PRR12: variants seen among roughly 807,000 people sequenced by gnomAD.
The protein encoded by PRR12 is proline rich 12, also known as proline-rich protein 12.
A neutral mutation model predicts 138.0 loss-of-function variants in PRR12; 12 were observed. That is an observed-to-expected ratio of 0.09 (90% confidence interval 0.06 to 0.14). PRR12 has a LOEUF of 0.14. PRR12 is among the 10% of genes least tolerant of loss of function. The probability of loss-of-function intolerance (pLI) is 1.00; values close to 1 mark genes in which losing one functional copy is unlikely to be tolerated. For synonymous variants in PRR12, 1,567 were observed against 1,291.7 expected, an observed-to-expected ratio of 1.21 and a Z score of -4.57; for missense variants, 2,692 against 2,861.3, an observed-to-expected ratio of 0.94 and a Z score of 1.35.
At position 49,607,657 on chromosome 19, in the gene PRR12, G is replaced by A. The variant is rs555684079; in HGVS notation, c.4773+5739G>A. On this transcript the variant is annotated intron_variant, in intron 6 of 13. Transcript: ENST00000418929. Reference sequence around the variant, plus strand: ...TGGGAGGTGGAGGTTGCAGTGAGCCGAGATCGTAGCACTGCACTCCAATCT... The same window carrying A: ...TGGGAGGTGGAGGTTGCAGTGAGCCAAGATCGTAGCACTGCACTCCAATCT... Among the ~76,000 whole-genome samples, 211 of 151,088 alleles carry A rather than the reference G, an allele frequency of 1.4e-3. 1 individual carries two copies. The highest frequency in any genetic ancestry group is 4.9e-3 in the African/African-American group (202 of 41,018).
At chr19:49,615,076 C>T (rs552519604) in intron 8 of PRR12, 67 bp downstream of exon 8, 1 of 1,593,078 alleles carries the variant, frequency 6.3e-7, no homozygotes, top group South Asian at 1.1e-5. Flanking sequence ...ATGCGGCATG[C>T]AAGAGAGAAG....
rs1250390265 is a variant in PRR12 at position 49,595,878 on chromosome 19, C to T, written c.1543C>T (p.Pro515Ser). 1.9e-6 allele frequency: 3 copies of T among 1,603,386 alleles called. No individual in the cohort carries two copies. Among genetic ancestry groups the T allele is most frequent in the East Asian group, 4.5e-5 (2 of 44,844 alleles). The change falls in exon 4 of 14, where the codon CCA becomes TCA. Residue 515 changes from proline to serine, a missense_variant. Physicochemically the swap from Pro to Ser is moderately conservative, Grantham distance 74 (BLOSUM62 -1). Coordinates refer to ENST00000418929, the MANE Select transcript of PRR12 (RefSeq NM_020719.3). Reference sequence around the variant, plus strand: ...GTATGGGGTGCAGGGCGAGCCATACCCAGGGCCAGCCGCCCACTCCCAGGG... The same window carrying T: ...GTATGGGGTGCAGGGCGAGCCATACTCAGGGCCAGCCGCCCACTCCCAGGG... ...QLYGVQGEPY[P>S]GPAAHSQGLP...
At chr19:49,602,647 G>A (rs534995404) in intron 6 of PRR12, among the ~76,000 whole-genome samples, 53 of 152,292 alleles carry the variant, frequency 3.5e-4, no homozygotes, top group African/African-American at 1.3e-3. Context: ...TGCCTCCCAG[G>A]TTCAAGCGAT....
Position 49,615,868 on chromosome 19 carries a change from G to A in PRR12, c.5146G>A (p.Glu1716Lys). Reference sequence around the variant, plus strand: ...AAAGACGACATCTGAGAAGCCCCCAGAGCAGACTCCTGAGACGGCCATGCC... The same window carrying A: ...AAAGACGACATCTGAGAAGCCCCCAAAGCAGACTCCTGAGACGGCCATGCC... ...PEKTTSEKPP[E>K]QTPETAMPEP... Residue 1716 changes from glutamate (E) to lysine (K), a missense_variant, in exon 9 of 14, where the codon GAG becomes AAG. By Grantham distance (56) the Glu-to-Lys change is moderately conservative (BLOSUM62 1). Around this residue, in one of 11 missense-constraint regions of PRR12, gnomAD observed 259 missense variants for 265.1 expected, o/e 0.98. Transcript: ENST00000418929. 1 of 1,597,684 alleles carries A rather than the reference G, an allele frequency of 6.3e-7. No individual in the cohort carries two copies. Among genetic ancestry groups the A allele is most frequent in the Non-Finnish European group, 8.5e-7 (1 of 1,172,492 alleles).
At chr19:49,605,454 A>T (rs1227571535) in intron 6 of PRR12, among the ~76,000 whole-genome samples, 1 of 146,404 alleles carries the variant, frequency 6.8e-6, no homozygotes, top group East Asian at 2.1e-4. Flanking sequence ...TAGAGATGGG[A>T]TTTCTCCATG....
intron 8 of PRR12, among the ~76,000 whole-genome samples, chr19:49,615,260 CAG>C (rs1235992052): frequency 1.4e-5 from 2 of 141,254 alleles, no homozygotes; most frequent in East Asian, 4.4e-4. Context: ...GATGGGAGAA[CAG>C]AGAACCAGAC....
rs778278363 is a variant in PRR12, at chr19:49,597,608, C to T, written c.3273C>T (p.Pro1091=). ...LRRRDPPFQT[P]KKLYAQEYEF... Reference sequence around the variant, plus strand: ...GCCGCGACCCACCCTTCCAGACCCCCAAGAAGCTGTACGCCCAGGAGTACG... The same window carrying T: ...GCCGCGACCCACCCTTCCAGACCCCTAAGAAGCTGTACGCCCAGGAGTACG... Residue 1091 remains proline (P), a synonymous_variant, in exon 4 of 14, where the codon CCC becomes CCT. Transcript: ENST00000418929. The surrounding 1 kb of genome is among the most constrained non-coding windows in gnomAD (Gnocchi z 6.3). 2 of 1,609,906 alleles carry T rather than the reference C, an allele frequency of 1.2e-6. No homozygotes were observed. Among genetic ancestry groups the T allele is most frequent in the Non-Finnish European group, 1.7e-6 (2 of 1,178,904 alleles).
intron 10 of PRR12, 40 bp downstream of exon 10, chr19:49,620,517 G>T: frequency 6.5e-7 from 1 of 1,548,048 alleles, no homozygotes; most frequent in South Asian, 1.2e-5. Context: ...GGGCTGACTC[G>T]GTCTGAGGGA....
chr19:49,611,737 C>T (rs2080867088), intron 6 of PRR12, among the ~76,000 whole-genome samples: 3 of 145,808 alleles, frequency 2.1e-5, no homozygotes, highest in Non-Finnish European at 4.5e-5. Flanking sequence ...TCCTGGCTAA[C>T]GCGGTGAAAC....
intron 1 of PRR12, 77 bp from the exon 2 acceptor site, chr19:49,593,250 T>G: frequency 7.1e-6 from 3 of 422,218 alleles, no homozygotes; most frequent in East Asian, 4.8e-5. Context: ...TCCCCCCAAC[T>G]CCCCGGGGGG....
chr19:49,593,250 T>TCCC, intron 1 of PRR12, 77 bp from the exon 2 acceptor site: 1 of 422,232 alleles, frequency 2.4e-6, no homozygotes, highest in Non-Finnish European at 3.9e-6. Context: ...TCCCCCCAAC[T>TCCC]CCCCGGGGGG....
At position 49,621,396 on chromosome 19, in the gene PRR12, G is replaced by A. The variant is rs532599632; in HGVS notation, c.5624-129G>A. On this transcript the variant is annotated intron_variant, in intron 10 of 13. Coordinates refer to ENST00000418929, the MANE Select transcript of PRR12 (RefSeq NM_020719.3). ...CTGGACTCCTGGGTCCGAAGGAGGA[G>A]GGGGCTGGGGCCTGTACTTTTGTCT... is the stretch of plus-strand genomic sequence containing the variant. The A allele has an allele frequency of 3.1e-4, 221 of 711,186 alleles. 5 individuals carry two copies. In the South Asian group the frequency reaches 3.5e-3, roughly 11 times the overall value. The allele number at this position is 711,186 out of a possible 1,614,324, so 44.1% of individuals were successfully genotyped here. A position where few individuals can be genotyped will look rare whatever the true frequency, so the allele number is the denominator to read the frequency against.
Position 49,594,929 on chromosome 19 carries a change from G to A in PRR12, c.594G>A (p.Thr198=), listed in dbSNP as rs1313640753. The A allele has an allele frequency of 1.9e-6, 3 of 1,605,984 alleles. No individual in the cohort carries two copies. Among genetic ancestry groups the A allele is most frequent in the African/African-American group, 2.7e-5 (2 of 74,674 alleles). Residue 198 remains threonine (T), a synonymous_variant, in exon 4 of 14, where the codon ACG becomes ACA. Transcript: ENST00000418929. This position sits in a 1 kb window ranked among gnomAD's most constrained non-coding sequence, Gnocchi z 5.6. ...ACCTGAAGCCCTCGCAGGCACCCACGGTGCCCTCTTCACTGGGCTTCGAGC... is the reference window on the plus strand; with the variant it reads ...ACCTGAAGCCCTCGCAGGCACCCACAGTGCCCTCTTCACTGGGCTTCGAGC... ...VLHLKPSQAP[T]VPSSLGFERL...
intron 11 of PRR12, among the ~76,000 whole-genome samples, chr19:49,622,378 C>T (rs2080927510): frequency 6.6e-6 from 1 of 151,494 alleles, no homozygotes; most frequent in African/African-American, 2.4e-5. Flanking sequence ...GTCAAGAGTT[C>T]GAGACCACCC....
chr19:49,619,224 GTT>G (rs34027784), intron 9 of PRR12, among the ~76,000 whole-genome samples: 3,237 of 79,282 alleles, frequency 0.041, 15 homozygotes, highest in South Asian at 0.1. Context: ...CCTCCTGTGA[GTT>G]TTTTTTTTTT....
rs1403728907 is a variant in PRR12 at position 49,614,799 on chromosome 19, G to A, written c.4891-77G>A. ...GCAGGCTCCAAGCAGCTGCCATGGTGGCCCAGGGCACGGGGGTGTTGGCCA... is the reference window on the plus strand; with the variant it reads ...GCAGGCTCCAAGCAGCTGCCATGGTAGCCCAGGGCACGGGGGTGTTGGCCA... On this transcript the variant is annotated intron_variant, in intron 7 of 13. Coordinates refer to ENST00000418929, the MANE Select transcript of PRR12 (RefSeq NM_020719.3). The surrounding 1 kb of genome is among the most constrained non-coding windows in gnomAD (Gnocchi z 5.0). 1.9e-6 allele frequency: 3 copies of A among 1,593,492 alleles called. No homozygotes were observed. In the East Asian group the frequency reaches 6.7e-5, roughly 36 times the overall value.
At position 49,620,345 on chromosome 19, in the gene PRR12, T is replaced by C. The variant is rs777293960; in HGVS notation, c.5498-7T>C. ...GATAACGAGCCTGCGTCCTGTCTTTTCTGCAGAGCGGGCAGTACCTGGGCG... is the reference window on the plus strand; with the variant it reads ...GATAACGAGCCTGCGTCCTGTCTTTCCTGCAGAGCGGGCAGTACCTGGGCG... On this transcript the variant is annotated splice_region_variant and splice_polypyrimidine_tract_variant and intron_variant, in intron 9 of 13. Transcript: ENST00000418929. 1.9e-6 allele frequency: 3 copies of C among 1,613,070 alleles called. No homozygotes were observed. Among genetic ancestry groups the C allele is most frequent in the Non-Finnish European group, 2.5e-6 (3 of 1,179,544 alleles).
At position 49,594,444 on chromosome 19, in the gene PRR12, C is replaced by T. The variant is rs2080750349; in HGVS notation, c.200-10C>T. On this transcript the variant is annotated splice_polypyrimidine_tract_variant and intron_variant, in intron 2 of 13. Coordinates refer to ENST00000418929, the MANE Select transcript of PRR12 (RefSeq NM_020719.3). This position sits in a 1 kb window ranked among gnomAD's most constrained non-coding sequence, Gnocchi z 5.6. ...CCACCTGGCTGACTATAACCCCTGT[C>T]CCCGGCCAGGCCTCTCTGGACTCTT... is the stretch of plus-strand genomic sequence containing the variant. 1 of 1,569,474 alleles carries T rather than the reference C, an allele frequency of 6.4e-7. No individual in the cohort carries two copies. The highest frequency in any genetic ancestry group is 8.6e-7 in the Non-Finnish European group (1 of 1,160,290).
At chr19:49,620,673 G>A (rs955417499) in intron 10 of PRR12, among the ~76,000 whole-genome samples, 196 bp downstream of exon 10, 1 of 151,044 alleles carries the variant, frequency 6.6e-6, no homozygotes, top group East Asian at 2.0e-4. Flanking sequence ...GAGGGAGGAG[G>A]TCCCTGGGTC....
Sources: allele counts gnomAD v4.1 joint callset (sites outside exome capture counted in the v4.1 genomes callset), GRCh38; gene constraint gnomAD v4.1.1; regional missense constraint gnomAD v4.1.1; non-coding constraint Gnocchi (gnomAD v3.1); transcripts MANE v1.5; gene names NCBI Gene and HGNC (gene_info 2026-07-23, HGNC 2026-07-21).